The following IMMP2L variants were observed in gnomAD, a reference collection of about 807,000 sequenced individuals.
IMMP2L encodes mitochondrial inner membrane protease subunit 2.
Under a neutral mutation model 19.3 loss-of-function variants are expected in IMMP2L, and 18 were observed. The ratio of observed to expected loss-of-function variants is 0.93; its 90% CI spans 0.64 to 1.38. The LOEUF is 1.38. Ranked by LOEUF, IMMP2L falls within the 40% of genes most tolerant of loss-of-function variation. The pLI is 0.00. For synonymous variants in IMMP2L, 76 were observed against 73.0 expected, an observed-to-expected ratio of 1.04 and a Z score of -0.21; for missense variants, 233 against 218.2, an observed-to-expected ratio of 1.07 and a Z score of -0.43.
Position 110,683,041 on chromosome 7 carries a change from C to T in IMMP2L, c.409-19320G>A, listed in dbSNP as rs568107757. Among the ~76,000 whole-genome samples the T allele has an allele frequency of 5.9e-5, 9 of 152,114 alleles. No homozygotes were observed. In the South Asian group the frequency reaches 1.9e-3, roughly 32 times the overall value. ...GGGGGCCATTGAGATTAGTGCACAA[C>T]AAAATACATCAGATAAGATGAGTGG... is the stretch of plus-strand genomic sequence containing the variant. On this transcript the variant is annotated intron_variant, in intron 5 of 5. Coordinates refer to ENST00000405709, the MANE Select transcript of IMMP2L (RefSeq NM_032549.4).
At chr7:111,206,661 ACT>A (rs1416499341) in intron 3 of IMMP2L, among the ~76,000 whole-genome samples, 1 of 152,054 alleles carries the variant, frequency 6.6e-6, no homozygotes, top group African/African-American at 2.4e-5. Flanking sequence ...ATCCAATTAT[ACT>A]CTTTCAGTTA....
At position 111,123,309 on chromosome 7, in the gene IMMP2L, C is replaced by A. The variant is rs1039189238; in HGVS notation, c.240-159744G>T. ...TCAATTCAAATAGATTGCAGATGAT[C>A]AACAGTAAGTGGTTTGATGCTCTTC... On this transcript the variant is annotated intron_variant, in intron 3 of 5. Transcript: ENST00000405709. The surrounding 1 kb of genome is among the most constrained non-coding windows in gnomAD (Gnocchi z 6.4). The A allele has an allele frequency of 1.7e-5, 28 of 1,613,614 alleles. No individual in the cohort carries two copies. The highest frequency in any genetic ancestry group is 2.3e-5 in the Non-Finnish European group (27 of 1,179,890).
chr7:110,786,537 G>A (rs1279587639), intron 5 of IMMP2L, among the ~76,000 whole-genome samples: 5 of 152,052 alleles, frequency 3.3e-5, no homozygotes, highest in African/African-American at 7.2e-5. Context: ...TGGCACTCAC[G>A]TACCAGCCCT....
chr7:111,224,975 A>T (rs1319021524), intron 3 of IMMP2L, among the ~76,000 whole-genome samples: 2 of 152,156 alleles, frequency 1.3e-5, no homozygotes, highest in Admixed American at 6.6e-5. Context: ...TGAAATGGCA[A>T]ATACACATAA....
intron 5 of IMMP2L, among the ~76,000 whole-genome samples, chr7:110,735,269 T>C (rs1244244871): frequency 1.3e-5 from 2 of 152,162 alleles, no homozygotes; most frequent in African/African-American, 2.4e-5. Context: ...CAGCCCCTTA[T>C]CAGTTTCTTA....
intron 5 of IMMP2L, among the ~76,000 whole-genome samples, chr7:110,837,742 G>T (rs1303114499): frequency 6.6e-6 from 1 of 152,138 alleles, no homozygotes; most frequent in Non-Finnish European, 1.5e-5. Flanking sequence ...ATGAATGGGG[G>T]TTGGGAGGAA....
intron 3 of IMMP2L, among the ~76,000 whole-genome samples, chr7:111,399,553 T>C (rs1833226197): frequency 6.6e-6 from 1 of 151,912 alleles, no homozygotes; most frequent in African/African-American, 2.4e-5. Context: ...CAGGGTTTCA[T>C]CATATTGCCC....
chr7:111,485,165 G>C (rs1309589069), intron 3 of IMMP2L, among the ~76,000 whole-genome samples: 1 of 151,990 alleles, frequency 6.6e-6, no homozygotes, highest in Non-Finnish European at 1.5e-5. Context: ...CAACAATATT[G>C]CTTCACGATC....
chr7:111,162,617 T>A (rs1036819431), intron 3 of IMMP2L, among the ~76,000 whole-genome samples: 1 of 152,056 alleles, frequency 6.6e-6, no homozygotes, highest in South Asian at 2.1e-4. Flanking sequence ...TCAAGGAGGA[T>A]TCCAGATTTT....
At chr7:111,043,783 T>C (rs1052942270) in intron 3 of IMMP2L, among the ~76,000 whole-genome samples, 4 of 152,176 alleles carry the variant, frequency 2.6e-5, no homozygotes, top group African/African-American at 4.8e-5. Flanking sequence ...GACAAGAAAG[T>C]AGCTTAGAAG....
chr7:111,353,020 T>A (rs971303517), intron 3 of IMMP2L, among the ~76,000 whole-genome samples: 1 of 152,152 alleles, frequency 6.6e-6, no homozygotes, highest in Non-Finnish European at 1.5e-5. Flanking sequence ...ATCTACAGAC[T>A]TCTCTCATAT....
At chr7:111,204,827 T>A (rs140258780) in intron 3 of IMMP2L, among the ~76,000 whole-genome samples, 3 of 152,216 alleles carry the variant, frequency 2.0e-5, no homozygotes, top group Non-Finnish European at 4.4e-5. Context: ...ACTGCTTTTA[T>A]TGATGTAGTC....
At chr7:111,461,116 T>C (rs1309741190) in intron 3 of IMMP2L, among the ~76,000 whole-genome samples, 2 of 152,136 alleles carry the variant, frequency 1.3e-5, no homozygotes, top group Admixed American at 6.6e-5. Flanking sequence ...ATAGTTGCTT[T>C]CAATTTTTGT....
chr7:110,782,543 T>G (rs548618659), intron 5 of IMMP2L, among the ~76,000 whole-genome samples: 1 of 151,912 alleles, frequency 6.6e-6, no homozygotes, highest in Admixed American at 6.6e-5. Context: ...TGTAACTGTT[T>G]TTGATGGTCT....
chr7:110,874,085 G>C (rs1222527376), intron 5 of IMMP2L, among the ~76,000 whole-genome samples: 1 of 152,078 alleles, frequency 6.6e-6, no homozygotes, highest in Admixed American at 6.6e-5. Context: ...AAATGATTTT[G>C]TTTTGCATGA....
intron 3 of IMMP2L, among the ~76,000 whole-genome samples, chr7:111,442,933 C>G (rs921234119): frequency 6.6e-6 from 1 of 151,876 alleles, no homozygotes; most frequent in African/African-American, 2.4e-5. Context: ...AGAAAAAAAG[C>G]CTCTATGTTG....
chr7:110,954,660 C>G (rs763660162), intron 4 of IMMP2L, among the ~76,000 whole-genome samples: 27 of 151,920 alleles, frequency 1.8e-4, no homozygotes, highest in Admixed American at 5.3e-4. Context: ...AGTAATTTGC[C>G]AAAGTGGCAA....
At chr7:110,950,302 T>A (rs1307020928) in intron 4 of IMMP2L, among the ~76,000 whole-genome samples, 1 of 152,178 alleles carries the variant, frequency 6.6e-6, no homozygotes, top group East Asian at 1.9e-4. Flanking sequence ...GTGTCTCTAT[T>A]CTGTTTCATT....
intron 3 of IMMP2L, among the ~76,000 whole-genome samples, chr7:111,258,150 T>C (rs1816932077): frequency 6.6e-6 from 1 of 152,166 alleles, no homozygotes; most frequent in Non-Finnish European, 1.5e-5. Flanking sequence ...AAGAAACTCT[T>C]GAAACATCAA....
Sources: allele counts gnomAD v4.1 joint callset (sites outside exome capture counted in the v4.1 genomes callset), GRCh38; gene constraint gnomAD v4.1.1; non-coding constraint Gnocchi (gnomAD v3.1); transcripts MANE v1.5; gene names NCBI Gene and HGNC (gene_info 2026-07-23, HGNC 2026-07-21).